DOP1A: variants seen among roughly 807,000 people sequenced by gnomAD.
DOP1A encodes the protein protein DOP1A.
DOP1A carries 90 observed loss-of-function variants against 267.6 expected under a neutral mutation model. The ratio of observed to expected loss-of-function variants is 0.34; its 90% CI spans 0.28 to 0.40. The LOEUF (loss-of-function observed/expected upper bound fraction) is 0.40. Among genes scored for constraint, DOP1A ranks in the 10% least tolerant of loss-of-function variants. The pLI, the probability that DOP1A is intolerant of heterozygous loss-of-function variation, is 1.00. For synonymous variants in DOP1A, 932 were observed against 999.1 expected, an observed-to-expected ratio of 0.93 and a Z score of 1.27; for missense variants, 2,437 against 2,900.4, an observed-to-expected ratio of 0.84 and a Z score of 3.67.
At chr6:83,163,019 G>A in intron 38 of DOP1A, 100 bp downstream of exon 38, 1 of 1,355,712 alleles carries the variant, frequency 7.4e-7, no homozygotes, top group Non-Finnish European at 9.9e-7. Context: ...ACGTTATCAA[G>A]TTGAGCTATT....
At chr6:83,151,556 A>G in intron 27 of DOP1A, 37 bp from the exon 28 acceptor site, 1 of 1,546,530 alleles carries the variant, frequency 6.5e-7, no homozygotes, top group Non-Finnish European at 8.8e-7. Context: ...TTTTAGCCTG[A>G]TATTTCCCGT....
At chr6:83,146,681 G>T (rs936420634) in intron 25 of DOP1A, among the ~76,000 whole-genome samples, 2 of 152,148 alleles carry the variant, frequency 1.3e-5, no homozygotes, top group Admixed American at 1.3e-4. Flanking sequence ...ATTGATAAAC[G>T]TCAGTGGTCA....
chr6:83,113,404 C>G lies in DOP1A; in HGVS notation c.763C>G (p.Pro255Ala). 6.2e-7 allele frequency: 1 copy of G among 1,613,652 alleles called. No individual in the cohort carries two copies. Among genetic ancestry groups the G allele is most frequent in the Non-Finnish European group, 8.5e-7 (1 of 1,179,770 alleles). Reference sequence around the variant, plus strand: ...ACTGGACCTCATACTCTTCTGTTTTCCATTCCACATGAGTCAGGTAAAATA... The same window carrying G: ...ACTGGACCTCATACTCTTCTGTTTTGCATTCCACATGAGTCAGGTAAAATA... ...STLDLILFCF[P>A]FHMSQATRPD... The change falls in exon 7 of 39, where the codon CCA becomes GCA. Residue 255 changes from proline to alanine, a missense_variant. Coordinates refer to ENST00000349129, the MANE Select transcript of DOP1A (RefSeq NM_015018.4).
At chr6:83,158,150 C>T (rs1783260812) in intron 35 of DOP1A, among the ~76,000 whole-genome samples, 1 of 152,024 alleles carries the variant, frequency 6.6e-6, no homozygotes, top group Admixed American at 6.6e-5. Flanking sequence ...AGGCACCTGC[C>T]ACCACACCCA....
chr6:83,069,517 T>C (rs569332827), intron 1 of DOP1A, among the ~76,000 whole-genome samples: 2 of 152,300 alleles, frequency 1.3e-5, no homozygotes, highest in Admixed American at 6.5e-5. Flanking sequence ...TTAAGCTGAG[T>C]CCTCTTCAAC....
At chr6:83,123,263 G>GTTA (rs72556646) in intron 12 of DOP1A, among the ~76,000 whole-genome samples, 3 of 151,572 alleles carry the variant, frequency 2.0e-5, no homozygotes, top group South Asian at 2.1e-4. Flanking sequence ...TTTTTTTGTT[G>GTTA]TAGAAAAGAT....
intron 17 of DOP1A, among the ~76,000 whole-genome samples, chr6:83,130,718 C>G (rs1583042324): frequency 6.6e-6 from 1 of 151,022 alleles, no homozygotes; most frequent in Admixed American, 6.6e-5. Context: ...AACTTACTTT[C>G]AGATTAAGTG....
intron 12 of DOP1A, among the ~76,000 whole-genome samples, 181 bp from the exon 13 acceptor site, chr6:83,124,524 T>C (rs1002872927): frequency 6.6e-6 from 1 of 152,128 alleles, no homozygotes; most frequent in African/African-American, 2.4e-5. Context: ...CTAGGAATCT[T>C]GCTTTGAGAA....
intron 1 of DOP1A, among the ~76,000 whole-genome samples, chr6:83,093,677 G>A (rs760364973): frequency 6.6e-5 from 10 of 152,176 alleles, no homozygotes; most frequent in African/African-American, 2.2e-4. Flanking sequence ...GGAGGCCAGC[G>A]CAGGCAGATG....
Position 83,138,082 on chromosome 6 carries a change from G to A in DOP1A, c.4040G>A (p.Ser1347Asn), listed in dbSNP as rs778795719. 1.9e-6 allele frequency: 3 copies of A among 1,613,602 alleles called. No homozygotes were observed. In the East Asian group the frequency reaches 6.7e-5, roughly 36 times the overall value. The change falls in exon 21 of 39, where the codon AGT (serine) becomes AAT (asparagine). Residue 1347 changes from serine (S) to asparagine (N), a missense_variant. Around this residue, in one of 9 missense-constraint regions of DOP1A, gnomAD observed 878 missense variants for 992.9 expected, o/e 0.88. Coordinates refer to ENST00000349129, the MANE Select transcript of DOP1A (RefSeq NM_015018.4). ...GAGGGAGACATTTCTGAAATTGAGAGTGACATGGGTTCTCCAGGATCTCGA... is the reference window on the plus strand; with the variant it reads ...GAGGGAGACATTTCTGAAATTGAGAATGACATGGGTTCTCCAGGATCTCGA... ...CGEGDISEIE[S>N]DMGSPGSRKS...
At chr6:83,068,506 T>A (rs950550152) in intron 1 of DOP1A, among the ~76,000 whole-genome samples, 1 of 152,160 alleles carries the variant, frequency 6.6e-6, no homozygotes, top group South Asian at 2.1e-4. Context: ...TAGAGTTCTA[T>A]GGCGTTTGAG....
Position 83,167,895 on chromosome 6 carries a change from T to A in DOP1A, c.7126T>A (p.Leu2376Met). 3 of 1,613,190 alleles carry A rather than the reference T, an allele frequency of 1.9e-6. No individual in the cohort carries two copies. The highest frequency in any genetic ancestry group is 2.5e-6 in the Non-Finnish European group (3 of 1,179,452). The stretch of plus-strand genomic sequence containing the variant: ...AGAGGAAGACAACTCAGGGAGAACA[T>A]TGGGTTGGGAGCCAGGGCACTTGCT... ...NPEEDNSGRT[L>M]GWEPGHLLLT... The change falls in exon 39 of 39, where the codon TTG becomes ATG. Residue 2376 changes from leucine (L) to methionine (M), a missense_variant. Around this residue, in one of 9 missense-constraint regions of DOP1A, gnomAD observed 197 missense variants for 246.5 expected, o/e 0.80. Transcript: ENST00000349129.
intron 15 of DOP1A, among the ~76,000 whole-genome samples, chr6:83,126,556 A>C (rs1332237458): frequency 6.6e-6 from 1 of 152,130 alleles, no homozygotes; most frequent in Non-Finnish European, 1.5e-5. Context: ...TGCACATTTA[A>C]TTACAGTTGT....
intron 1 of DOP1A, among the ~76,000 whole-genome samples, chr6:83,077,524 T>G (rs542022763): frequency 6.6e-6 from 1 of 151,590 alleles, no homozygotes; most frequent in Non-Finnish European, 1.5e-5. Context: ...TTTTTTTTTT[T>G]AATTAGCTAG....
intron 1 of DOP1A, among the ~76,000 whole-genome samples, chr6:83,091,931 G>A (rs1366791461): frequency 6.6e-6 from 1 of 152,162 alleles, no homozygotes; most frequent in Non-Finnish European, 1.5e-5. Flanking sequence ...ATCCAGTCAA[G>A]TTGATATTTT....
At chr6:83,075,506 G>C (rs964285663) in intron 1 of DOP1A, among the ~76,000 whole-genome samples, 1 of 152,202 alleles carries the variant, frequency 6.6e-6, no homozygotes. Flanking sequence ...AGACCTGAAG[G>C]ATAAGTAGGT....
chr6:83,106,900 C>T (rs1773706854), intron 4 of DOP1A, among the ~76,000 whole-genome samples: 2 of 151,718 alleles, frequency 1.3e-5, no homozygotes, highest in South Asian at 4.2e-4. Context: ...CAAGAGAATG[C>T]TCTGGTTAAT....
intron 30 of DOP1A, among the ~76,000 whole-genome samples, chr6:83,153,030 T>C (rs1343140501): frequency 2.6e-5 from 4 of 152,210 alleles, no homozygotes; most frequent in South Asian, 2.1e-4. Context: ...ATTATACACA[T>C]GTCATTTTGT....
intron 1 of DOP1A, among the ~76,000 whole-genome samples, chr6:83,087,743 TC>T (rs777568623): frequency 1.3e-5 from 2 of 152,274 alleles, no homozygotes; most frequent in Non-Finnish European, 2.9e-5. Flanking sequence ...CTTGAATAGT[TC>T]CTGGTATTTA....
Sources: allele counts gnomAD v4.1 joint callset (sites outside exome capture counted in the v4.1 genomes callset), GRCh38; gene constraint gnomAD v4.1.1; regional missense constraint gnomAD v4.1.1; transcripts MANE v1.5; gene names NCBI Gene and HGNC (gene_info 2026-07-23, HGNC 2026-07-21).